Variants in PLEKHM3 observed in about 807,000 individuals in gnomAD.
The protein encoded by PLEKHM3 is pleckstrin homology domain containing M3.
A neutral mutation model predicts 81.8 loss-of-function variants in PLEKHM3; 45 were observed. The ratio of observed to expected loss-of-function variants is 0.55; its 90% CI spans 0.43 to 0.71. The LOEUF is 0.71. PLEKHM3 is among the 30% of genes least tolerant of loss of function. The pLI, the probability that PLEKHM3 is intolerant of heterozygous loss-of-function variation, is 0.00. For synonymous variants in PLEKHM3, 352 were observed against 356.4 expected (o/e 0.99, Z 0.14); for missense variants, 788 against 924.3 (o/e 0.85, Z 1.91).
intron 4 of PLEKHM3, among the ~76,000 whole-genome samples, chr2:207,932,650 T>C (rs1484089289): frequency 6.6e-6 from 1 of 152,200 alleles, no homozygotes; most frequent in Non-Finnish European, 1.5e-5. Context: ...ACATGCAGCA[T>C]GTACCCTGTC....
At chr2:207,941,461 A>G (rs369406861) in intron 4 of PLEKHM3, among the ~76,000 whole-genome samples, 3 of 151,080 alleles carry the variant, frequency 2.0e-5, no homozygotes, top group Admixed American at 6.6e-5. Flanking sequence ...CAGGATATAC[A>G]AAAATCAAAT....
intron 2 of PLEKHM3, among the ~76,000 whole-genome samples, chr2:207,990,515 C>T (rs1691865193): frequency 6.6e-6 from 1 of 152,092 alleles, no homozygotes; most frequent in South Asian, 2.1e-4. Flanking sequence ...TATTATAGTA[C>T]TCGACTATGT....
chr2:207,925,558 CT>C (rs1689365908), intron 5 of PLEKHM3, among the ~76,000 whole-genome samples: 1 of 152,226 alleles, frequency 6.6e-6, no homozygotes, highest in African/African-American at 2.4e-5. Flanking sequence ...AAAACTGGCT[CT>C]GAAAGCTAAC....
At chr2:207,896,658 A>G (rs1296524041) in intron 6 of PLEKHM3, among the ~76,000 whole-genome samples, 2 of 152,232 alleles carry the variant, frequency 1.3e-5, no homozygotes, top group Non-Finnish European at 1.5e-5. Flanking sequence ...TGTTAAAGGA[A>G]GCTAGAAAGC....
chr2:207,951,150 A>G (rs1480938329), intron 3 of PLEKHM3, among the ~76,000 whole-genome samples: 2 of 152,148 alleles, frequency 1.3e-5, no homozygotes, highest in African/African-American at 4.8e-5. Context: ...ACAATCTGGG[A>G]TTTTACTTTA....
chr2:208,014,000 A>G (rs1462199319), intron 1 of PLEKHM3, among the ~76,000 whole-genome samples: 2 of 152,178 alleles, frequency 1.3e-5, no homozygotes, highest in Non-Finnish European at 2.9e-5. Flanking sequence ...GCATCCCGAG[A>G]GTATGAGACC....
chr2:207,839,594 CA>C (rs1327725972), intron 7 of PLEKHM3, among the ~76,000 whole-genome samples: 1 of 152,030 alleles, frequency 6.6e-6, no homozygotes, highest in African/African-American at 2.4e-5. Context: ...GTCCCTGGAC[CA>C]AATGTGATGC....
In PLEKHM3 at chr2:207,977,386, G is replaced by A; in HGVS notation, c.811C>T (p.Leu271=). The A allele has an allele frequency of 1.9e-6, 3 of 1,614,166 alleles. No homozygotes were observed. The highest frequency in any genetic ancestry group is 2.5e-6 in the Non-Finnish European group (3 of 1,180,026). Residue 271 remains leucine, a synonymous_variant, in exon 3 of 8, where the codon CTG becomes TTG. Transcript: ENST00000427836. The stretch of plus-strand genomic sequence containing the variant: ...ACAGTATCCACCATCCTGGCCTCCA[G>A]GTTGCCTAAAACAGATATGCTCTGG... The part of the protein sequence containing the change: ...HFQSISVLGN[L]EARMVDTVLY...
chr2:207,923,880 C>CACACACACATATATATATATAT (rs1319162543), intron 5 of PLEKHM3, among the ~76,000 whole-genome samples: 2 of 56,788 alleles, frequency 3.5e-5, no homozygotes, highest in Non-Finnish European at 3.2e-5. Flanking sequence ...CACACACACA[C>CACACACACATATATATATATAT]ATATATATAT....
chr2:207,944,446 T>C (rs1321490983), intron 4 of PLEKHM3, among the ~76,000 whole-genome samples: 4 of 152,146 alleles, frequency 2.6e-5, no homozygotes, highest in Non-Finnish European at 4.4e-5. Flanking sequence ...TAATGTTTCT[T>C]TGGTGGCTGG....
intron 5 of PLEKHM3, among the ~76,000 whole-genome samples, chr2:207,910,808 A>G (rs947820255): frequency 3.3e-5 from 5 of 152,150 alleles, no homozygotes; most frequent in African/African-American, 1.2e-4. Flanking sequence ...CAGACAGGTG[A>G]CAAGGCATGT....
At chr2:207,880,372 A>T (rs1574364454) in intron 6 of PLEKHM3, among the ~76,000 whole-genome samples, 1 of 150,390 alleles carries the variant, frequency 6.6e-6, no homozygotes, top group East Asian at 2.0e-4. Context: ...GTGCCACTGC[A>T]CTCTAGCCTG....
intron 2 of PLEKHM3, among the ~76,000 whole-genome samples, chr2:207,982,589 T>TA (rs1691571079): frequency 1.3e-5 from 2 of 150,744 alleles, no homozygotes; most frequent in African/African-American, 4.9e-5. Flanking sequence ...TTTTTTTTTT[T>TA]TTTTTTGAGA....
At chr2:207,922,734 C>T (rs371595324) in intron 5 of PLEKHM3, among the ~76,000 whole-genome samples, 1 of 152,106 alleles carries the variant, frequency 6.6e-6, no homozygotes, top group East Asian at 1.9e-4. Context: ...ATGGTGTGAA[C>T]CCGGGAGGCA....
chr2:207,836,749 CTTCTGCTGTGTTCATGT>C (rs1463005313), intron 7 of PLEKHM3, among the ~76,000 whole-genome samples: 5 of 152,218 alleles, frequency 3.3e-5, no homozygotes, highest in Non-Finnish European at 7.3e-5. Flanking sequence ...CACTGAAATG[CTTCTGCTGTGTTCATGT>C]TGGGTTCTTC....
intron 6 of PLEKHM3, among the ~76,000 whole-genome samples, chr2:207,865,209 C>A (rs1488795094): frequency 1.3e-5 from 2 of 152,112 alleles, no homozygotes; most frequent in Admixed American, 1.3e-4. Flanking sequence ...GTGAATGACT[C>A]ATTTTCTCCA....
chr2:207,937,293 C>T (rs1411331721), intron 4 of PLEKHM3, among the ~76,000 whole-genome samples: 1 of 152,222 alleles, frequency 6.6e-6, no homozygotes, highest in African/African-American at 2.4e-5. Context: ...GGTCCAGGCA[C>T]AGTGGCTCAC....
intron 7 of PLEKHM3, among the ~76,000 whole-genome samples, chr2:207,858,846 T>C (rs1183797775): frequency 6.6e-6 from 1 of 152,116 alleles, no homozygotes; most frequent in African/African-American, 2.4e-5. Context: ...GTATATACAA[T>C]TCACTAATTT....
intron 6 of PLEKHM3, among the ~76,000 whole-genome samples, chr2:207,899,104 T>C (rs146138804): frequency 6.6e-6 from 1 of 152,278 alleles, no homozygotes; most frequent in Non-Finnish European, 1.5e-5. Context: ...CGCAGGCCAC[T>C]ATCACATGGA....
Sources: gnomAD v4.1 joint callset for allele counts (sites outside exome capture counted in the v4.1 genomes callset) on GRCh38, gnomAD v4.1.1 for gene constraint, MANE v1.5 for transcripts, NCBI Gene and HGNC (gene_info 2026-07-23, HGNC 2026-07-21) for gene names.